Variants in ADARB2 observed in about 807,000 individuals in gnomAD.
The protein encoded by ADARB2 is adenosine deaminase RNA specific B2 (inactive).
A neutral mutation model predicts 62.2 loss-of-function variants in ADARB2; 25 were observed. That is an observed-to-expected ratio of 0.40 (90% CI 0.29 to 0.56). ADARB2 has a LOEUF of 0.56. Among genes scored for constraint, ADARB2 ranks in the 20% least tolerant of loss-of-function variants. ADARB2 has a pLI of 0.43. For missense variants in ADARB2, 1,071 were observed against 1,077.4 expected (o/e 0.99, Z 0.08); for synonymous variants, 572 against 500.8 (o/e 1.14, Z -1.90).
intron 1 of ADARB2, among the ~76,000 whole-genome samples, chr10:1,662,406 C>T (rs1216456439): frequency 6.6e-6 from 1 of 152,124 alleles, no homozygotes. Context: ...CCCTGCAGAG[C>T]TTCCCCATGG....
intron 1 of ADARB2, among the ~76,000 whole-genome samples, chr10:1,533,887 C>T (rs1315267619): frequency 1.3e-5 from 2 of 152,146 alleles, no homozygotes; most frequent in Non-Finnish European, 2.9e-5. Context: ...ACCACACACG[C>T]ATTCCTAGAA....
At chr10:1,579,134 C>A (rs1177882350) in intron 1 of ADARB2, among the ~76,000 whole-genome samples, 2 of 152,166 alleles carry the variant, frequency 1.3e-5, no homozygotes, top group Non-Finnish European at 2.9e-5. Context: ...TAGCACACCG[C>A]TTTATATCAA....
At chr10:1,245,543 T>C (rs1830977759) in intron 4 of ADARB2, among the ~76,000 whole-genome samples, 2 of 142,480 alleles carry the variant, frequency 1.4e-5, no homozygotes, top group Non-Finnish European at 3.0e-5. Flanking sequence ...TGTGTGCATG[T>C]GTTCTCATTC....
chr10:1,733,997 C>T (rs568854897), intron 1 of ADARB2, among the ~76,000 whole-genome samples: 5 of 126,138 alleles, frequency 4.0e-5, no homozygotes, highest in African/African-American at 1.4e-4. Flanking sequence ...TTTCCCTGTC[C>T]TTCTCATAGT....
At chr10:1,652,953 A>G (rs1175339843) in intron 1 of ADARB2, among the ~76,000 whole-genome samples, 1 of 152,164 alleles carries the variant, frequency 6.6e-6, no homozygotes, top group Non-Finnish European at 1.5e-5. Context: ...TGCCAAGGCC[A>G]GTGTCCTCCC....
intron 3 of ADARB2, among the ~76,000 whole-genome samples, chr10:1,358,176 G>A (rs1424293704): frequency 6.6e-6 from 1 of 152,124 alleles, no homozygotes; most frequent in Non-Finnish European, 1.5e-5. Flanking sequence ...CCCAATAATT[G>A]GTCATGATTT....
At chr10:1,351,073 T>A (rs1832132397) in intron 3 of ADARB2, among the ~76,000 whole-genome samples, 1 of 151,954 alleles carries the variant, frequency 6.6e-6, no homozygotes, top group Admixed American at 6.6e-5. Context: ...AACCCAGGAT[T>A]CCTCCTAAGC....
intron 6 of ADARB2, among the ~76,000 whole-genome samples, chr10:1,224,222 G>A (rs1163422345): frequency 2.6e-5 from 4 of 152,070 alleles, no homozygotes; most frequent in African/African-American, 7.2e-5. Flanking sequence ...AGAGGTGTTT[G>A]TAGTATTCTC....
intron 3 of ADARB2, among the ~76,000 whole-genome samples, chr10:1,319,326 A>T (rs1258971672): frequency 6.6e-6 from 1 of 152,230 alleles, no homozygotes; most frequent in African/African-American, 2.4e-5. Context: ...ACAGAAAAAT[A>T]GCACAGAAGA....
In ADARB2 at chr10:1,646,749, A is replaced by T. The variant is rs79473376; in HGVS notation, c.100+90302T>A. On this transcript the variant is annotated intron_variant, in intron 1 of 9. Transcript: ENST00000381312. ...TCCCTTTTTGTTCATTTGTTTTCAC[A>T]TGTGGGAGGGGGTGTGTGATGTGCT... Among the ~76,000 whole-genome samples the T allele has an allele frequency of 8.5e-4, 130 of 152,294 alleles. 3 individuals are homozygous for T. The East Asian group carries it at 0.022, about 26-fold the overall frequency.
chr10:1,188,929 C>T (rs1215229803), intron 8 of ADARB2, among the ~76,000 whole-genome samples: 1 of 152,252 alleles, frequency 6.6e-6, no homozygotes, highest in Non-Finnish European at 1.5e-5. Context: ...TTCTCCAGTG[C>T]GGCCAGCAGC....
At chr10:1,682,425 A>G (rs1834549481) in intron 1 of ADARB2, among the ~76,000 whole-genome samples, 1 of 152,226 alleles carries the variant, frequency 6.6e-6, no homozygotes, top group African/African-American at 2.4e-5. Flanking sequence ...TAAGGAAACC[A>G]GTATCCCCTG....
At position 1,682,058 on chromosome 10, in the gene ADARB2, C is replaced by T. The variant is rs145326447; in HGVS notation, c.100+54993G>A. Among the ~76,000 whole-genome samples the T allele has an allele frequency of 3.8e-3, 572 of 152,280 alleles. 9 individuals are homozygous for T. Among genetic ancestry groups the T allele is most frequent in the African/African-American group, 0.013 (539 of 41,544 alleles). On this transcript the variant is annotated intron_variant, in intron 1 of 9. Transcript: ENST00000381312. ...TTATGTGCCATGCAGACCCTGGGTGCTGGCACAAAGAGATATTTAAAATTG... is the reference window on the plus strand; with the variant it reads ...TTATGTGCCATGCAGACCCTGGGTGTTGGCACAAAGAGATATTTAAAATTG...
At chr10:1,310,587 G>A (rs1010399692) in intron 3 of ADARB2, among the ~76,000 whole-genome samples, 1 of 152,174 alleles carries the variant, frequency 6.6e-6, no homozygotes, top group Non-Finnish European at 1.5e-5. Flanking sequence ...GAGCCCACTC[G>A]GTGCTGGGCA....
chr10:1,644,003 G>A (rs1311209963), intron 1 of ADARB2, among the ~76,000 whole-genome samples: 2 of 152,138 alleles, frequency 1.3e-5, no homozygotes, highest in Non-Finnish European at 2.9e-5. Flanking sequence ...CAGCCCACAC[G>A]GCTGTCTCCC....
At chr10:1,278,601 C>CTTT (rs35497339) in intron 3 of ADARB2, among the ~76,000 whole-genome samples, 3 of 144,606 alleles carry the variant, frequency 2.1e-5, no homozygotes, top group Non-Finnish European at 4.6e-5. Context: ...TGATTTCATT[C>CTTT]TTTTTTTTTT....
At chr10:1,599,746 T>C (rs967439321) in intron 1 of ADARB2, among the ~76,000 whole-genome samples, 5 of 152,116 alleles carry the variant, frequency 3.3e-5, no homozygotes, top group African/African-American at 1.2e-4. Flanking sequence ...AACTTTGTTT[T>C]TTTTCTCTTT....
At chr10:1,296,096 G>T (rs552802335) in intron 3 of ADARB2, among the ~76,000 whole-genome samples, 2 of 152,318 alleles carry the variant, frequency 1.3e-5, no homozygotes, top group South Asian at 4.1e-4. Context: ...TCCTGTCATG[G>T]TGCTGGCAGA....
chr10:1,257,399 A>G (rs1417970764), intron 4 of ADARB2, among the ~76,000 whole-genome samples: 1 of 152,120 alleles, frequency 6.6e-6, no homozygotes, highest in East Asian at 1.9e-4. Context: ...CAAAGCTGAG[A>G]CTGCTTTCCT....
Sources: gnomAD v4.1 joint callset for allele counts (sites outside exome capture counted in the v4.1 genomes callset) on GRCh38, gnomAD v4.1.1 for gene constraint, MANE v1.5 for transcripts, NCBI Gene and HGNC (gene_info 2026-07-23, HGNC 2026-07-21) for gene names.